Variants in TSPEAR observed in about 807,000 individuals in gnomAD.
TSPEAR encodes the protein thrombospondin-type laminin G domain and EAR repeat-containing protein.
A neutral mutation model predicts 71.6 loss-of-function variants in TSPEAR; 69 were observed. That is an observed-to-expected ratio of 0.96 (90% CI 0.79 to 1.18). TSPEAR has a LOEUF of 1.18. TSPEAR is among the 50% of genes most tolerant of loss of function. The pLI is 0.00. For missense variants in TSPEAR, 971 were observed against 894.9 expected (o/e 1.09, Z -1.09); for synonymous variants, 402 against 387.2 (o/e 1.04, Z -0.45).
At chr21:44,630,553 G>T (rs1417631666) in intron 1 of TSPEAR, among the ~76,000 whole-genome samples, 1 of 152,132 alleles carries the variant, frequency 6.6e-6, no homozygotes, top group Non-Finnish European at 1.5e-5. Flanking sequence ...GCACAGAAAA[G>T]ACCTGAGAGG....
intron 1 of TSPEAR, among the ~76,000 whole-genome samples, chr21:44,592,686 G>T (rs1033266907): frequency 6.6e-6 from 1 of 152,300 alleles, no homozygotes; most frequent in Admixed American, 6.5e-5. Context: ...CATCTGGGCT[G>T]TGTCCCATCC....
At chr21:44,700,228 C>T (rs1555951347) in intron 1 of TSPEAR, among the ~76,000 whole-genome samples, 3 of 152,222 alleles carry the variant, frequency 2.0e-5, no homozygotes, top group African/African-American at 7.2e-5. Context: ...CTCTGCCTTC[C>T]AGTCCAGGGT....
rs543286981 is a variant in TSPEAR, at chr21:44,699,019, A to G, written c.82+12414T>C. ...AATTCGAGACCAGCCTGGCCAACATAGTGAGACCTTGTCTCTAAAAATACA... is the reference window on the plus strand; with the variant it reads ...AATTCGAGACCAGCCTGGCCAACATGGTGAGACCTTGTCTCTAAAAATACA... On this transcript the variant is annotated intron_variant, in intron 1 of 11. Coordinates refer to ENST00000323084, the MANE Select transcript of TSPEAR (RefSeq NM_144991.3). 1.8e-4 allele frequency among the ~76,000 whole-genome samples: 27 copies of G among 152,186 alleles called. No homozygotes were observed. In the South Asian group the frequency reaches 5.2e-3, roughly 29 times the overall value.
At chr21:44,544,101 T>C (rs782656214) in intron 2 of TSPEAR, among the ~76,000 whole-genome samples, 8 of 152,160 alleles carry the variant, frequency 5.3e-5, no homozygotes, top group Non-Finnish European at 1.2e-4. Flanking sequence ...AACACAGCTG[T>C]ATAGGGAGAG....
At chr21:44,708,007 GCACACACACACACACACACACACA>G (rs58196199) in intron 1 of TSPEAR, among the ~76,000 whole-genome samples, 5 of 122,330 alleles carry the variant, frequency 4.1e-5, no homozygotes, top group Admixed American at 3.4e-4. Flanking sequence ...CCCCGCGCGT[GCACACACACACACACACACACACA>G]CACACACACA....
At position 44,710,676 on chromosome 21, in the gene TSPEAR, G is replaced by T. The variant is rs1239946572; in HGVS notation, c.82+757C>A. Among the ~76,000 whole-genome samples the T allele has an allele frequency of 5.9e-5, 9 of 152,220 alleles. No individual in the cohort carries two copies. Among genetic ancestry groups the T allele is most frequent in the African/African-American group, 2.2e-4 (9 of 41,458 alleles). On this transcript the variant is annotated intron_variant, in intron 1 of 11. Coordinates refer to ENST00000323084, the MANE Select transcript of TSPEAR (RefSeq NM_144991.3). This position sits in a 1 kb window ranked among gnomAD's most constrained non-coding sequence, Gnocchi z 4.6. ...GCTGGAGTCACTAATTTACTGTCCA[G>T]TAACTGAGTTTCTAGCGACCAGGTC...
chr21:44,698,176 AGGCCCCTGT>A, intron 1 of TSPEAR: 1 of 602,852 alleles, frequency 1.7e-6, no homozygotes, highest in Non-Finnish European at 2.9e-6. Flanking sequence ...CCCACATTCC[AGGCCCCTGT>A]GGTCTCGCCT....
chr21:44,629,756 G>A (rs941001835), intron 1 of TSPEAR, among the ~76,000 whole-genome samples: 1 of 152,202 alleles, frequency 6.6e-6, no homozygotes, highest in Non-Finnish European at 1.5e-5. Context: ...GCTGAACAAC[G>A]CTGTCCAGAG....
At chr21:44,552,861 G>A (rs1415375194) in intron 2 of TSPEAR, among the ~76,000 whole-genome samples, 2 of 151,850 alleles carry the variant, frequency 1.3e-5, no homozygotes, top group East Asian at 2.0e-4. Flanking sequence ...AAGCCCCTCC[G>A]ACCTCTCAGG....
At chr21:44,615,329 C>T (rs950187537) in intron 1 of TSPEAR, among the ~76,000 whole-genome samples, 2 of 152,340 alleles carry the variant, frequency 1.3e-5, no homozygotes, top group African/African-American at 2.4e-5. Flanking sequence ...GCCCAGGCTG[C>T]GGAAGAGAGT....
At chr21:44,653,241 C>T (rs1383230766) in intron 1 of TSPEAR, among the ~76,000 whole-genome samples, 1 of 152,302 alleles carries the variant, frequency 6.6e-6, no homozygotes, top group East Asian at 1.9e-4. Flanking sequence ...GATGCCTCTG[C>T]GGTCCATAAC....
intron 2 of TSPEAR, among the ~76,000 whole-genome samples, chr21:44,560,621 C>T (rs887414185): frequency 6.6e-6 from 1 of 152,142 alleles, no homozygotes; most frequent in Non-Finnish European, 1.5e-5. Context: ...GAACTGAAAT[C>T]ATAACAAAGT....
intron 1 of TSPEAR, among the ~76,000 whole-genome samples, chr21:44,692,044 A>G (rs1987144475): frequency 6.6e-6 from 1 of 152,206 alleles, no homozygotes; most frequent in South Asian, 2.1e-4. Context: ...GAATGCAAAG[A>G]TAGCTCCAGA....
chr21:44,523,326 G>A (rs1601358816), intron 8 of TSPEAR, among the ~76,000 whole-genome samples: 1 of 151,608 alleles, frequency 6.6e-6, no homozygotes, highest in Non-Finnish European at 1.5e-5. Context: ...AGTCAGGTAG[G>A]TAGTCACTCA....
chr21:44,619,903 A>G, intron 1 of TSPEAR, among the ~76,000 whole-genome samples: 1 of 152,258 alleles, frequency 6.6e-6, no homozygotes, highest in East Asian at 1.9e-4. Context: ...AAGCATACCA[A>G]CACACTTAGC....
At chr21:44,637,735 G>A in intron 1 of TSPEAR, 1 of 1,337,694 alleles carries the variant, frequency 7.5e-7, no homozygotes, top group Non-Finnish European at 1.0e-6. Flanking sequence ...TCTGCTGCGT[G>A]CCCGTCTGTA....
At chr21:44,591,805 G>T in intron 1 of TSPEAR, 1 of 1,586,930 alleles carries the variant, frequency 6.3e-7, no homozygotes, top group Non-Finnish European at 8.6e-7. Context: ...CACGCAGCAG[G>T]CCTGCTGGCA....
At chr21:44,582,596 T>C (rs782226718) in intron 1 of TSPEAR, among the ~76,000 whole-genome samples, 1 of 152,222 alleles carries the variant, frequency 6.6e-6, no homozygotes, top group Non-Finnish European at 1.5e-5. Flanking sequence ...CTTCTCCTGG[T>C]GTCTGGACCA....
At chr21:44,587,770 G>A (rs1979434752) in intron 1 of TSPEAR, among the ~76,000 whole-genome samples, 2 of 152,152 alleles carry the variant, frequency 1.3e-5, no homozygotes, top group Admixed American at 1.3e-4. Context: ...AACATAAAGT[G>A]GGGAAAGGAC....
Sources: gnomAD v4.1 joint callset for allele counts (sites outside exome capture counted in the v4.1 genomes callset) on GRCh38, gnomAD v4.1.1 for gene constraint, Gnocchi (gnomAD v3.1) non-coding constraint, MANE v1.5 for transcripts, NCBI Gene and HGNC (gene_info 2026-07-23, HGNC 2026-07-21) for gene names.